Variants in RAB6A observed in about 807,000 individuals in gnomAD.
RAB6A encodes the protein RAB6A, member RAS oncogene family, also known as ras-related protein Rab-6A.
RAB6A carries 8 observed loss-of-function variants against 32.3 expected under a neutral mutation model. That is an observed-to-expected ratio of 0.25 (90% CI 0.15 to 0.45). The LOEUF is 0.45. Ranked by LOEUF, RAB6A falls within the 20% of genes least tolerant of loss-of-function variation. The pLI is 1.00. For missense variants in RAB6A, 104 were observed against 249.4 expected (o/e 0.42, Z 3.93); for synonymous variants, 73 against 82.1 (o/e 0.89, Z 0.60).
intron 1 of RAB6A, among the ~76,000 whole-genome samples, chr11:73,749,485 C>A (rs1353565663): frequency 2.6e-5 from 4 of 152,094 alleles, no homozygotes; most frequent in African/African-American, 9.7e-5. Context: ...AAACACCCAC[C>A]ACCTGTTCCC....
At chr11:73,681,568 T>C (rs1945357449) in intron 6 of RAB6A, among the ~76,000 whole-genome samples, 1 of 152,188 alleles carries the variant, frequency 6.6e-6, no homozygotes, top group Non-Finnish European at 1.5e-5. Context: ...ATCTCAGCAC[T>C]TTGGGAGGCC....
intron 6 of RAB6A, among the ~76,000 whole-genome samples, chr11:73,705,580 T>C (rs1369682654): frequency 1.3e-5 from 2 of 151,720 alleles, no homozygotes; most frequent in African/African-American, 4.8e-5. Context: ...AGAGAAAATA[T>C]ATATAAGAAA....
chr11:73,720,831 G>T lies in RAB6A; in HGVS notation c.183+15C>A. On this transcript the variant is annotated intron_variant, in intron 3 of 7. Transcript: ENST00000336083. ...GGAATGTTGCAGAAAATTGCACACT[G>T]AAAATATTACTCACTGTTCGATCCT... The T allele has an allele frequency of 6.3e-7, 1 of 1,592,054 alleles. No individual in the cohort carries two copies. The highest frequency in any genetic ancestry group is 8.6e-7 in the Non-Finnish European group (1 of 1,165,426).
At chr11:73,707,801 G>C (rs542167103) in intron 5 of RAB6A, among the ~76,000 whole-genome samples, 1 of 151,964 alleles carries the variant, frequency 6.6e-6, no homozygotes, top group Non-Finnish European at 1.5e-5. Context: ...GGATGCTCGA[G>C]CCCAGGAATG....
At chr11:73,686,778 A>G (rs1812750702) in intron 6 of RAB6A, among the ~76,000 whole-genome samples, 1 of 152,176 alleles carries the variant, frequency 6.6e-6, no homozygotes, top group Non-Finnish European at 1.5e-5. Context: ...GTACTGCTAT[A>G]TTCACATATC....
intron 6 of RAB6A, among the ~76,000 whole-genome samples, chr11:73,696,040 T>C (rs372979945): frequency 4.3e-4 from 66 of 152,334 alleles, no homozygotes; most frequent in African/African-American, 1.6e-3. Flanking sequence ...CTAAGTAGTT[T>C]ATAGGCAGAA....
chr11:73,720,745 CTT>C (rs1464439409), intron 3 of RAB6A, 99 bp downstream of exon 3: 1 of 927,356 alleles, frequency 1.1e-6, no homozygotes, highest in Admixed American at 2.3e-5. Context: ...TCTTTGGTAA[CTT>C]TGCTAAGTAC....
intron 7 of RAB6A, 31 bp from the exon 8 acceptor site, chr11:73,677,993 G>GA: frequency 6.2e-7 from 1 of 1,608,752 alleles, no homozygotes; most frequent in Non-Finnish European, 8.5e-7. Flanking sequence ...CCATAAATGG[G>GA]AAAGTACAAT....
chr11:73,760,507 C>CG (rs1043767418), intron 1 of RAB6A, 59 bp downstream of exon 1: 5 of 1,539,084 alleles, frequency 3.2e-6, no homozygotes, highest in Admixed American at 2.0e-5. Flanking sequence ...AGGGCCGCAC[C>CG]GGGGGCGGTG....
chr11:73,750,785 T>A (rs142154061), intron 1 of RAB6A, among the ~76,000 whole-genome samples: 2 of 152,266 alleles, frequency 1.3e-5, no homozygotes, highest in African/African-American at 4.8e-5. Flanking sequence ...CTACTATGAG[T>A]ATGGGGGTAA....
intron 6 of RAB6A, among the ~76,000 whole-genome samples, chr11:73,702,304 G>A (rs912600879): frequency 6.6e-6 from 1 of 152,104 alleles, no homozygotes; most frequent in Non-Finnish European, 1.5e-5. Flanking sequence ...GGAACTACAG[G>A]TGCATGCCAC....
intron 1 of RAB6A, among the ~76,000 whole-genome samples, chr11:73,733,527 C>T (rs1375729305): frequency 3.4e-5 from 5 of 148,546 alleles, no homozygotes; most frequent in African/African-American, 7.4e-5. Flanking sequence ...CCAGCCTGGG[C>T]GACAGGGTGT....
At chr11:73,744,300 T>C (rs1001666258) in intron 1 of RAB6A, among the ~76,000 whole-genome samples, 4 of 143,244 alleles carry the variant, frequency 2.8e-5, no homozygotes, top group Admixed American at 7.4e-5. Context: ...ATCGCACCAA[T>C]GCACTCCAGC....
rs147196411 is a variant in RAB6A at position 73,719,290 on chromosome 11, T to A, written c.184-572A>T. On this transcript the variant is annotated intron_variant, in intron 3 of 7. Transcript: ENST00000336083. Reference sequence around the variant, plus strand: ...GTAAATGTCAATGAGCAGCCTAAGCTATCAGAGTAAAGGAATTAATGCTTC... The same window carrying A: ...GTAAATGTCAATGAGCAGCCTAAGCAATCAGAGTAAAGGAATTAATGCTTC... Among the ~76,000 whole-genome samples the A allele has an allele frequency of 3.1e-3, 475 of 152,368 alleles. 1 individual carries two copies. The highest frequency in any genetic ancestry group is 4.2e-3 in the Non-Finnish European group (284 of 68,036).
intron 7 of RAB6A, 54 bp downstream of exon 7, chr11:73,679,600 G>C: frequency 6.3e-7 from 1 of 1,593,612 alleles, no homozygotes; most frequent in Non-Finnish European, 8.6e-7. Context: ...AGCAAGCAGG[G>C]CTCTAAAGAC....
At chr11:73,746,539 G>A (rs12286218) in intron 1 of RAB6A, among the ~76,000 whole-genome samples, 1,631 of 152,108 alleles carry the variant, frequency 0.011, 25 homozygotes, top group African/African-American at 0.035. Flanking sequence ...GGAGGCCAAG[G>A]CAGGAGGATC....
rs1946522902 is a variant in RAB6A, at chr11:73,743,006, TAAG to T, written c.71-12186_71-12184del. Among the ~76,000 whole-genome samples the T allele has an allele frequency of 2.0e-5, 3 of 151,712 alleles. No homozygotes were observed. In the South Asian group the frequency reaches 6.3e-4, roughly 32 times the overall value. Reference sequence around the variant, plus strand: ...CACACATACAAGAGAGTGAACAAGATAAGAAAGCACTGTAAGGCCAAGCACGGT... The same window carrying T: ...CACACATACAAGAGAGTGAACAAGATAAAGCACTGTAAGGCCAAGCACGGT... On this transcript the variant is annotated intron_variant, in intron 1 of 7. Coordinates refer to ENST00000336083, the MANE Select transcript of RAB6A (RefSeq NM_198896.2).
intron 6 of RAB6A, among the ~76,000 whole-genome samples, chr11:73,689,873 G>C (rs1466971806): frequency 7.4e-6 from 1 of 135,092 alleles, no homozygotes; most frequent in Admixed American, 8.4e-5. Context: ...CCCAGTCTGG[G>C]CAACACAGTG....
chr11:73,757,121 ATATATATATTTTTTTTTTT>A (rs1946767997), intron 1 of RAB6A, among the ~76,000 whole-genome samples: 1 of 47,714 alleles, frequency 2.1e-5, no homozygotes, highest in South Asian at 6.2e-4. Context: ...ATATATATAT[ATATATATATTTTTTTTTTT>A]TTTTTTTTTT....
Sources: allele counts gnomAD v4.1 joint callset (sites outside exome capture counted in the v4.1 genomes callset), GRCh38; gene constraint gnomAD v4.1.1; transcripts MANE v1.5; gene names NCBI Gene and HGNC (gene_info 2026-07-23, HGNC 2026-07-21).